TTC8: variants seen among roughly 807,000 people sequenced by gnomAD.
The protein encoded by TTC8 is tetratricopeptide repeat domain 8, also known as tetratricopeptide repeat protein 8.
In TTC8, 47 loss-of-function variants were observed where a neutral mutation model predicts 72.5. The ratio of observed to expected loss-of-function variants is 0.65; its 90% confidence interval spans 0.51 to 0.83. The LOEUF is 0.83. TTC8 is among the 40% of genes least tolerant of loss of function. TTC8 has a pLI of 0.00. For missense variants in TTC8, 611 were observed against 623.2 expected (o/e 0.98, Z 0.21); for synonymous variants, 199 against 221.4 (o/e 0.90, Z 0.90).
chr14:88,830,837 C>T (rs774838362), intron 1 of TTC8: 13 of 455,882 alleles, frequency 2.9e-5, no homozygotes, highest in South Asian at 1.9e-4. Context: ...GAGTTTTCCC[C>T]TATCTCCTAA....
chr14:88,877,455 A>G lies in TTC8; in HGVS notation c.*45A>G. ...TGTTCTTATGAAGCAGCATTATGCA[A>G]GGGGAAAAAAGCACTATGTCTGTGT... On this transcript the variant is annotated 3_prime_UTR_variant, in exon 15 of 15. Coordinates refer to ENST00000380656, the MANE Select transcript of TTC8 (RefSeq NM_144596.4). The G allele has an allele frequency of 6.8e-7, 1 of 1,470,834 alleles. No individual in the cohort carries two copies. Among genetic ancestry groups the G allele is most frequent in the Non-Finnish European group, 9.5e-7 (1 of 1,049,852 alleles). The allele number at this position is 1,470,834 out of a possible 1,614,324, so 91.1% of individuals were successfully genotyped here. A position where few individuals can be genotyped will look rare whatever the true frequency, so the allele number is the denominator to read the frequency against.
At chr14:88,844,472 A>G (rs2094796605) in intron 7 of TTC8, among the ~76,000 whole-genome samples, 1 of 152,190 alleles carries the variant, frequency 6.6e-6, no homozygotes, top group African/African-American at 2.4e-5. Flanking sequence ...TATTAGTTCC[A>G]GGAAAAAGGC....
chr14:88,877,399 G>A lies in TTC8; in HGVS notation c.1537G>A (p.Ala513Thr), dbSNP rs1462695176. 7 of 1,613,030 alleles carry A rather than the reference G, an allele frequency of 4.3e-6. No individual in the cohort carries two copies. The highest frequency in any genetic ancestry group is 4.2e-6 in the Non-Finnish European group (5 of 1,179,268). Reference protein sequence around the residue: ...HLIKQLRQHFAML With the variant: ...HLIKQLRQHFTML ...AATTAAACAATTAAGGCAGCATTTT[G>A]CTATGCTCTGATTGTTCCTTAGACC... The change falls in exon 15 of 15, where the codon GCT becomes ACT. Residue 513 changes from alanine to threonine, a missense_variant. Ala to Thr is a moderately conservative substitution (Grantham distance 58). Coordinates refer to ENST00000380656, the MANE Select transcript of TTC8 (RefSeq NM_144596.4).
chr14:88,870,732 A>G (rs2094930106), intron 11 of TTC8, among the ~76,000 whole-genome samples: 4 of 152,218 alleles, frequency 2.6e-5, no homozygotes. Flanking sequence ...GACTTCTGAA[A>G]TTAATTTTTA....
At chr14:88,864,403 C>A (rs1405986125) in intron 10 of TTC8, among the ~76,000 whole-genome samples, 1 of 152,186 alleles carries the variant, frequency 6.6e-6, no homozygotes, top group Admixed American at 6.5e-5. Context: ...GACCTTTAGG[C>A]CCTTGCCTTC....
chr14:88,830,826 A>G (rs1235941590), intron 1 of TTC8: 5 of 455,774 alleles, frequency 1.1e-5, no homozygotes, highest in South Asian at 1.5e-5. Context: ...TTTTTAAAAA[A>G]GAGTTTTCCC....
chr14:88,880,329 T>C (rs1159211828), downstream of TTC8: 1 of 152,212 alleles, frequency 6.6e-6, no homozygotes, highest in African/African-American at 2.4e-5. Context: ...TATTTTTAGC[T>C]AAATAAAAAC....
intron 10 of TTC8, among the ~76,000 whole-genome samples, chr14:88,862,747 AT>A (rs2094893906): frequency 1.4e-5 from 2 of 147,538 alleles, no homozygotes; most frequent in African/African-American, 2.5e-5. Context: ...TGTCCAGCTA[AT>A]TTTTTTTACT....
At chr14:88,857,726 A>G (rs565618627) in intron 9 of TTC8, among the ~76,000 whole-genome samples, 5 of 152,174 alleles carry the variant, frequency 3.3e-5, no homozygotes, top group Admixed American at 6.5e-5. Flanking sequence ...ACATTTTATC[A>G]TGTTCATTAT....
At chr14:88,872,601 C>A in intron 13 of TTC8, 149 bp downstream of exon 13, 1 of 1,164,034 alleles carries the variant, frequency 8.6e-7, no homozygotes. Flanking sequence ...TGTGTATTAG[C>A]TGTGTGACCT....
intron 10 of TTC8, among the ~76,000 whole-genome samples, chr14:88,863,476 C>T (rs576490085): frequency 3.9e-5 from 6 of 152,330 alleles, no homozygotes; most frequent in African/African-American, 1.4e-4. Context: ...ATTAGAGACT[C>T]TGTATCCATG....
At chr14:88,864,211 A>G (rs1258842235) in intron 10 of TTC8, among the ~76,000 whole-genome samples, 2 of 152,260 alleles carry the variant, frequency 1.3e-5, no homozygotes, top group African/African-American at 4.8e-5. Context: ...AACATTGTCT[A>G]GAAAAACTAT....
chr14:88,859,854 A>ATATATTAT (rs1409334815), intron 9 of TTC8, among the ~76,000 whole-genome samples: 2 of 73,180 alleles, frequency 2.7e-5, no homozygotes, highest in South Asian at 8.6e-4. Context: ...ATAAATATAT[A>ATATATTAT]ATCATATATA....
intron 1 of TTC8, 35 bp from the exon 2 acceptor site, chr14:88,833,658 T>G: frequency 6.2e-7 from 1 of 1,607,020 alleles, no homozygotes; most frequent in Non-Finnish European, 8.5e-7. Flanking sequence ...ACTGTATTTC[T>G]TAAAACTGTT....
downstream of TTC8, chr14:88,878,634 G>T (rs1448847639): frequency 6.6e-6 from 1 of 152,142 alleles, no homozygotes; most frequent in Non-Finnish European, 1.5e-5. Context: ...TCTCTGTGAT[G>T]TGTTAGTGTT....
intron 1 of TTC8, among the ~76,000 whole-genome samples, chr14:88,828,545 C>T (rs564188509): frequency 4.6e-5 from 7 of 152,262 alleles, no homozygotes; most frequent in African/African-American, 1.7e-4. Context: ...TAGAGGAGCC[C>T]AGAAATTAAA....
At chr14:88,870,768 G>C (rs1020329948) in intron 11 of TTC8, among the ~76,000 whole-genome samples, 6 of 152,058 alleles carry the variant, frequency 3.9e-5, no homozygotes, top group African/African-American at 1.4e-4. Context: ...CTTAGCCCTT[G>C]GGTAATATAG....
chr14:88,826,521 G>A (rs1160862722), intron 1 of TTC8, among the ~76,000 whole-genome samples: 1 of 151,536 alleles, frequency 6.6e-6, no homozygotes, highest in African/African-American at 2.4e-5. Context: ...TGGCTAACAC[G>A]GTGAAACCCC....
chr14:88,831,909 C>T (rs775816787), intron 1 of TTC8, among the ~76,000 whole-genome samples: 13 of 152,128 alleles, frequency 8.5e-5, no homozygotes, highest in Non-Finnish European at 1.8e-4. Context: ...TCACCTAAGT[C>T]ATCTATAATT....
Sources: allele counts gnomAD v4.1 joint callset (sites outside exome capture counted in the v4.1 genomes callset), GRCh38; gene constraint gnomAD v4.1.1; transcripts MANE v1.5; gene names NCBI Gene and HGNC (gene_info 2026-07-23, HGNC 2026-07-21).